The following MYCBP2 variants were observed in gnomAD, a reference collection of about 807,000 sequenced individuals.
MYCBP2 encodes the protein E3 ubiquitin-protein ligase MYCBP2.
Under a neutral mutation model 525.3 loss-of-function variants are expected in MYCBP2, and 120 were observed. The ratio of observed to expected loss-of-function variants is 0.23; its 90% confidence interval spans 0.20 to 0.27. MYCBP2 has a LOEUF of 0.27. MYCBP2 is among the 10% of genes least tolerant of loss of function. MYCBP2 has a pLI of 1.00. For synonymous variants in MYCBP2, 1,894 were observed against 1,955.8 expected (o/e 0.97, Z 0.83); for missense variants, 4,149 against 5,657.1 (o/e 0.73, Z 8.55).
chr13:77,073,326 TAAA>T (rs1015809404), intron 68 of MYCBP2, among the ~76,000 whole-genome samples: 5 of 152,066 alleles, frequency 3.3e-5, no homozygotes, highest in African/African-American at 1.2e-4. Flanking sequence ...CCAGGTCTCT[TAAA>T]AAAGAATCCA....
At chr13:77,167,250 A>G (rs1189610968) in intron 40 of MYCBP2, among the ~76,000 whole-genome samples, 2 of 151,846 alleles carry the variant, frequency 1.3e-5, no homozygotes, top group Admixed American at 6.5e-5. Flanking sequence ...TAAATATAAC[A>G]TGTGTGTGTA....
At chr13:77,117,142 A>G (rs2049915281) in intron 55 of MYCBP2, among the ~76,000 whole-genome samples, 1 of 151,926 alleles carries the variant, frequency 6.6e-6, no homozygotes, top group Non-Finnish European at 1.5e-5. Context: ...TAATAAACTA[A>G]CTCCTCACTT....
chr13:77,150,151 T>A (rs1177343665), intron 47 of MYCBP2, among the ~76,000 whole-genome samples: 2 of 152,162 alleles, frequency 1.3e-5, no homozygotes, highest in Non-Finnish European at 2.9e-5. Context: ...CTAAAGGTAT[T>A]AGAGAGCTAA....
At chr13:77,196,905 A>G (rs532350849) in intron 26 of MYCBP2, among the ~76,000 whole-genome samples, 56 of 152,350 alleles carry the variant, frequency 3.7e-4, no homozygotes, top group Non-Finnish European at 7.1e-4. Context: ...GAGGAAGAGA[A>G]TACTTTTAAA....
chr13:77,268,004 C>A, intron 7 of MYCBP2, 67 bp from the exon 8 acceptor site: 1 of 956,616 alleles, frequency 1.0e-6, no homozygotes, highest in South Asian at 1.4e-5. Flanking sequence ...AGCAGCCATA[C>A]AGCTCCATAT....
At chr13:77,229,514 A>G (rs1296450085) in intron 18 of MYCBP2, among the ~76,000 whole-genome samples, 1 of 152,204 alleles carries the variant, frequency 6.6e-6, no homozygotes, top group African/African-American at 2.4e-5. Context: ...ATAAATCTCA[A>G]ATATTGTACC....
chr13:77,198,490 AT>A (rs2062008387), intron 26 of MYCBP2, among the ~76,000 whole-genome samples: 2 of 152,244 alleles, frequency 1.3e-5, no homozygotes, highest in African/African-American at 2.4e-5. Context: ...AACAGATGAC[AT>A]TTAATCGAGA....
intron 77 of MYCBP2, among the ~76,000 whole-genome samples, chr13:77,059,114 TATTA>T (rs907953784): frequency 2.6e-5 from 4 of 151,204 alleles, no homozygotes; most frequent in Admixed American, 6.6e-5. Flanking sequence ...TCCACATTCT[TATTA>T]ATTGAGAAAC....
At position 77,077,140 on chromosome 13, in the gene MYCBP2, A is replaced by C; in HGVS notation, c.11724+8T>G. 3 of 1,612,608 alleles carry C rather than the reference A, an allele frequency of 1.9e-6. No homozygotes were observed. The highest frequency in any genetic ancestry group is 2.5e-6 in the Non-Finnish European group (3 of 1,179,494). ...TCCTGTGCTAGAATATGTTGTAAGG[A>C]CACTCACTTGAGACGTAATCAGTCT... On this transcript the variant is annotated splice_region_variant and intron_variant, in intron 67 of 82. Transcript: ENST00000544440.
At chr13:77,239,386 G>A (rs567208443) in intron 17 of MYCBP2, among the ~76,000 whole-genome samples, 2 of 152,098 alleles carry the variant, frequency 1.3e-5, no homozygotes, top group Non-Finnish European at 1.5e-5. Flanking sequence ...CATTTTATTT[G>A]ATGTTTCTAT....
intron 39 of MYCBP2, 34 bp downstream of exon 39, chr13:77,169,580 A>G (rs1294023339): frequency 1.3e-6 from 2 of 1,563,216 alleles, no homozygotes; most frequent in African/African-American, 1.4e-5. Flanking sequence ...ATATTTAAAA[A>G]AAACATTCAA....
intron 55 of MYCBP2, among the ~76,000 whole-genome samples, chr13:77,114,645 G>T (rs970037929): frequency 6.6e-6 from 1 of 151,994 alleles, no homozygotes; most frequent in Non-Finnish European, 1.5e-5. Flanking sequence ...TTGTTGCAAG[G>T]TAACCTAGAG....
intron 3 of MYCBP2, among the ~76,000 whole-genome samples, chr13:77,287,172 C>G (rs962094960): frequency 7.2e-6 from 1 of 138,966 alleles, no homozygotes; most frequent in South Asian, 2.5e-4. Flanking sequence ...CAGGCGTGAG[C>G]CATTACGCCC....
intron 3 of MYCBP2, among the ~76,000 whole-genome samples, chr13:77,284,235 A>AG (rs1422564748): frequency 6.6e-6 from 1 of 151,728 alleles, no homozygotes; most frequent in African/African-American, 2.4e-5. Flanking sequence ...AATCATGTTA[A>AG]GGAAAAAAAA....
intron 52 of MYCBP2, among the ~76,000 whole-genome samples, chr13:77,129,927 A>C (rs547268439): frequency 2.0e-5 from 3 of 151,992 alleles, no homozygotes; most frequent in African/African-American, 7.2e-5. Context: ...TCTCTATCTC[A>C]AAGTTTAGGA....
chr13:77,078,310 A>G (rs1016023340), intron 66 of MYCBP2, among the ~76,000 whole-genome samples: 1 of 152,224 alleles, frequency 6.6e-6, no homozygotes, highest in Admixed American at 6.5e-5. Context: ...CAGATTTGAC[A>G]AAGTTTCATG....
intron 68 of MYCBP2, 32 bp from the exon 69 acceptor site, chr13:77,070,743 A>G (rs762256269): frequency 1.1e-5 from 15 of 1,348,060 alleles, no homozygotes; most frequent in Non-Finnish European, 1.3e-5. Flanking sequence ...AAAAAAAAAG[A>G]ATGAAGTGGT....
Position 77,081,486 on chromosome 13 carries a change from C to G in MYCBP2, c.11359G>C (p.Val3787Leu). 1 of 1,613,060 alleles carries G rather than the reference C, an allele frequency of 6.2e-7. No homozygotes were observed. Residue 3787 changes from valine to leucine, a missense_variant, in exon 65 of 83, where the codon GTA becomes CTA. Physicochemically the swap from Val to Leu is conservative, Grantham distance 32. This residue lies in a region of MYCBP2 where 509 missense variants were observed against 789.4 expected (regional missense o/e 0.64). Transcript: ENST00000544440. The surrounding 1 kb of genome is among the most constrained non-coding windows in gnomAD (Gnocchi z 4.6). ...NKTKNITINC[V>L]KGINARYVSV... Reference sequence around the variant, plus strand: ...ACATAGCGGGCATTGATTCCTTTTACACAGTTGATGGTGATGTTCTTAGTT... The same window carrying G: ...ACATAGCGGGCATTGATTCCTTTTAGACAGTTGATGGTGATGTTCTTAGTT...
At chr13:77,261,117 T>A in intron 12 of MYCBP2, 54 bp downstream of exon 12, 1 of 1,396,178 alleles carries the variant, frequency 7.2e-7, no homozygotes, top group Non-Finnish European at 9.8e-7. Context: ...GTTTTATTTT[T>A]ACTAAAATAA....
Sources: gnomAD v4.1 joint callset for allele counts (sites outside exome capture counted in the v4.1 genomes callset) on GRCh38, gnomAD v4.1.1 for gene constraint, gnomAD v4.1.1 regional missense constraint, Gnocchi (gnomAD v3.1) non-coding constraint, MANE v1.5 for transcripts, NCBI Gene and HGNC (gene_info 2026-07-23, HGNC 2026-07-21) for gene names.